Variants in AIMP1 observed in about 807,000 individuals in gnomAD.
AIMP1 encodes aminoacyl tRNA synthetase complex interacting multifunctional protein 1, also known as aminoacyl tRNA synthase complex-interacting multifunctional protein 1.
Under a neutral mutation model 33.1 loss-of-function variants are expected in AIMP1, and 24 were observed. The observed-to-expected ratio is 0.73, with a 90% CI of 0.53 to 1.02. The LOEUF (loss-of-function observed/expected upper bound fraction) is 1.02, where lower values mean the gene tolerates loss of function less well. Among genes scored for constraint, AIMP1 ranks in the 50% least tolerant of loss-of-function variants. The pLI is 0.00. For missense variants in AIMP1, 367 were observed against 364.8 expected, an observed-to-expected ratio of 1.01 and a Z score of -0.05; for synonymous variants, 120 against 121.5, an observed-to-expected ratio of 0.99 and a Z score of 0.08.
intron 2 of AIMP1, among the ~76,000 whole-genome samples, chr4:106,325,400 A>G (rs1579631074): frequency 6.6e-6 from 1 of 152,134 alleles, no homozygotes. Flanking sequence ...TTTGTAAGCT[A>G]ATGGCTTACA....
At chr4:106,336,664 C>T (rs1246631791) in intron 5 of AIMP1, among the ~76,000 whole-genome samples, 1 of 152,132 alleles carries the variant, frequency 6.6e-6, no homozygotes, top group African/African-American at 2.4e-5. Flanking sequence ...AACCATAATG[C>T]GTTATCAATT....
intron 4 of AIMP1, among the ~76,000 whole-genome samples, chr4:106,329,439 G>A (rs1250912814): frequency 6.6e-6 from 1 of 152,096 alleles, no homozygotes; most frequent in Non-Finnish European, 1.5e-5. Flanking sequence ...AGGACCACAA[G>A]ACCAAATGGA....
chr4:106,334,605 T>C (rs1769804816), intron 5 of AIMP1, among the ~76,000 whole-genome samples: 1 of 152,136 alleles, frequency 6.6e-6, no homozygotes, highest in South Asian at 2.1e-4. Flanking sequence ...TTTATGAAGC[T>C]CACATTTGTA....
chr4:106,343,476 C>A (rs1770179276), intron 6 of AIMP1, among the ~76,000 whole-genome samples: 1 of 152,044 alleles, frequency 6.6e-6, no homozygotes, highest in Admixed American at 6.6e-5. Flanking sequence ...CTCTCCTAAT[C>A]AAAAGTAGAC....
At chr4:106,332,661 A>G (rs550775831) in intron 5 of AIMP1, among the ~76,000 whole-genome samples, 22 of 142,268 alleles carry the variant, frequency 1.5e-4, no homozygotes, top group African/African-American at 5.3e-4. Flanking sequence ...TCACTTTTTT[A>G]TGTATCTATA....
At chr4:106,323,805 T>C (rs1408082306) in intron 1 of AIMP1, among the ~76,000 whole-genome samples, 2 of 152,078 alleles carry the variant, frequency 1.3e-5, no homozygotes, top group Non-Finnish European at 2.9e-5. Flanking sequence ...CAAAGACATA[T>C]TTGATGAATA....
chr4:106,344,968 CCTCATCT>C (rs1405363643), intron 6 of AIMP1, among the ~76,000 whole-genome samples: 14 of 151,114 alleles, frequency 9.3e-5, no homozygotes, highest in African/African-American at 3.4e-4. Context: ...GCTTCAATAT[CCTCATCT>C]GTAAGATGAG....
At chr4:106,330,049 C>T (rs562478852) in intron 4 of AIMP1, among the ~76,000 whole-genome samples, 2 of 152,092 alleles carry the variant, frequency 1.3e-5, no homozygotes, top group East Asian at 3.9e-4. Flanking sequence ...TCCCAAAGTG[C>T]GGGGATTATA....
chr4:106,317,524 A>C (rs1195275607), intron 1 of AIMP1, among the ~76,000 whole-genome samples: 1 of 152,188 alleles, frequency 6.6e-6, no homozygotes, highest in African/African-American at 2.4e-5. Context: ...GACCAATAAG[A>C]AGAGTTTTGC....
intron 1 of AIMP1, among the ~76,000 whole-genome samples, chr4:106,322,194 A>G (rs1416997880): frequency 1.3e-5 from 2 of 152,078 alleles, no homozygotes; most frequent in African/African-American, 2.4e-5. Flanking sequence ...ACCTTTGTTC[A>G]TATGTTTATC....
chr4:106,325,087 GC>G lies in AIMP1; in HGVS notation c.79del (p.Gln27SerfsTer16). The G allele has an allele frequency of 6.2e-7, 1 of 1,612,812 alleles. No homozygotes were observed. Among genetic ancestry groups the G allele is most frequent in the East Asian group, 2.2e-5 (1 of 44,764 alleles). On this transcript the variant is annotated frameshift_variant, in exon 2 of 7. Coordinates refer to ENST00000672341, the MANE Select transcript of AIMP1 (RefSeq NM_001142416.2). LOFTEE classifies it high-confidence loss of function. ...CAGATCAAATCATTGAATATCTTAA[GC>G]AGCAAGTTTCTCTACTTAAGGAGAA... ...EADQIIEYLK[Q>X]QVSLLKEKAI...
chr4:106,340,764 T>C (rs997471486), intron 6 of AIMP1, among the ~76,000 whole-genome samples: 2 of 152,178 alleles, frequency 1.3e-5, no homozygotes, highest in African/African-American at 4.8e-5. Context: ...AGTGTATTTG[T>C]CTTTTTGGTA....
intron 6 of AIMP1, among the ~76,000 whole-genome samples, chr4:106,340,699 A>G (rs879909738): frequency 5.9e-5 from 9 of 152,216 alleles, no homozygotes; most frequent in African/African-American, 1.2e-4. Flanking sequence ...GTTGATGGAC[A>G]CTAGAGTTGA....
intron 1 of AIMP1, among the ~76,000 whole-genome samples, chr4:106,318,261 G>A (rs1391810402): frequency 6.6e-6 from 1 of 152,198 alleles, no homozygotes; most frequent in Non-Finnish European, 1.5e-5. Context: ...AGTGTCTTCA[G>A]ATGCATTGTT....
At position 106,337,001 on chromosome 4, in the gene AIMP1, G is replaced by C. The variant is rs1242521446; in HGVS notation, c.736G>C (p.Val246Leu). ...IEILAPPNGSVPGDRITFDAF... is the reference protein window; with the variant it reads ...IEILAPPNGSLPGDRITFDAF... The stretch of plus-strand genomic sequence containing the variant: ...AATCTTGGCTCCTCCAAATGGGTCT[G>C]TTCCTGGAGACAGAATTACTTTTGA... Residue 246 changes from valine (V) to leucine (L), a missense_variant, in exon 6 of 7, where the codon GTT (valine) becomes CTT (leucine). Val to Leu is a conservative substitution (Grantham distance 32, BLOSUM62 1). Coordinates refer to ENST00000672341, the MANE Select transcript of AIMP1 (RefSeq NM_001142416.2). 1 of 1,614,086 alleles carries C rather than the reference G, an allele frequency of 6.2e-7. No individual in the cohort carries two copies. Among genetic ancestry groups the C allele is most frequent in the South Asian group, 1.1e-5 (1 of 91,086 alleles).
intron 2 of AIMP1, among the ~76,000 whole-genome samples, chr4:106,325,551 TGAA>T (rs1769423565): frequency 6.6e-6 from 1 of 152,048 alleles, no homozygotes; most frequent in Non-Finnish European, 1.5e-5. Flanking sequence ...ATTAAAAAGA[TGAA>T]GAGATTGGAC....
chr4:106,341,484 G>T (rs756072750), intron 6 of AIMP1, among the ~76,000 whole-genome samples: 5 of 152,006 alleles, frequency 3.3e-5, no homozygotes, highest in Non-Finnish European at 7.4e-5. Flanking sequence ...GAAATGTAAG[G>T]GTCCTATTTC....
chr4:106,328,909 C>G (rs1166192543), intron 4 of AIMP1, among the ~76,000 whole-genome samples: 1 of 152,140 alleles, frequency 6.6e-6, no homozygotes, highest in Non-Finnish European at 1.5e-5. Flanking sequence ...CTCATCTTTT[C>G]TAGTTTATTT....
chr4:106,324,133 AC>A (rs1361978739), intron 1 of AIMP1, among the ~76,000 whole-genome samples: 1 of 152,048 alleles, frequency 6.6e-6, no homozygotes, highest in Non-Finnish European at 1.5e-5. Flanking sequence ...TCAAAATTTC[AC>A]CATTAATATT....
Sources: allele counts gnomAD v4.1 joint callset (sites outside exome capture counted in the v4.1 genomes callset), GRCh38; gene constraint gnomAD v4.1.1; transcripts MANE v1.5; gene names NCBI Gene and HGNC (gene_info 2026-07-23, HGNC 2026-07-21).